Variants in KPNA1 observed in about 807,000 individuals in gnomAD.
The protein encoded by KPNA1 is karyopherin subunit alpha 1.
A neutral mutation model predicts 70.5 loss-of-function variants in KPNA1; 10 were observed. The ratio of observed to expected loss-of-function variants is 0.14; its 90% confidence interval spans 0.09 to 0.24. The LOEUF (loss-of-function observed/expected upper bound fraction) is 0.24. Ranked by LOEUF, KPNA1 falls within the 10% of genes least tolerant of loss-of-function variation. The pLI is 1.00. For missense variants in KPNA1, 397 were observed against 637.9 expected, an observed-to-expected ratio of 0.62 and a Z score of 4.07; for synonymous variants, 192 against 221.9, an observed-to-expected ratio of 0.87 and a Z score of 1.20.
chr3:122,477,958 T>C (rs931038084), intron 2 of KPNA1, among the ~76,000 whole-genome samples: 19 of 150,038 alleles, frequency 1.3e-4, no homozygotes, highest in African/African-American at 4.6e-4. Flanking sequence ...TGTCAGGAGA[T>C]TGAGACCATC....
intron 10 of KPNA1, among the ~76,000 whole-genome samples, chr3:122,438,175 T>C (rs2076014306): frequency 6.6e-6 from 1 of 152,166 alleles, no homozygotes; most frequent in Admixed American, 6.5e-5. Flanking sequence ...CCCATGGTTC[T>C]GTTCTAGTAT....
At chr3:122,436,280 G>A (rs922467466) in intron 11 of KPNA1, among the ~76,000 whole-genome samples, 1 of 152,188 alleles carries the variant, frequency 6.6e-6, no homozygotes, top group Admixed American at 6.5e-5. Flanking sequence ...CGATGACAAT[G>A]CATGCCTGAA....
At position 122,480,940 on chromosome 3, in the gene KPNA1, A is replaced by G. The variant is rs116160755; in HGVS notation, c.130-13511T>C. Among the ~76,000 whole-genome samples, 1,016 of 152,248 alleles carry G rather than the reference A, an allele frequency of 6.7e-3. 5 individuals carry two copies. Among genetic ancestry groups the G allele is most frequent in the African/African-American group, 0.023 (973 of 41,544 alleles). On this transcript the variant is annotated intron_variant, in intron 2 of 13. Coordinates refer to ENST00000344337, the MANE Select transcript of KPNA1 (RefSeq NM_002264.4). ...GGAGCTCAAAGCTGCAGTGAACCAT[A>G]ATGGCACCACTGCACTCCAGCCTAG... is the stretch of plus-strand genomic sequence containing the variant.
intron 2 of KPNA1, among the ~76,000 whole-genome samples, chr3:122,475,598 A>G (rs996293489): frequency 6.6e-6 from 1 of 152,116 alleles, no homozygotes; most frequent in African/African-American, 2.4e-5. Flanking sequence ...TGATTTCAAA[A>G]TACAATTGAC....
At chr3:122,508,905 C>T (rs2076921150) in intron 1 of KPNA1, among the ~76,000 whole-genome samples, 1 of 151,976 alleles carries the variant, frequency 6.6e-6, no homozygotes, top group South Asian at 2.1e-4. Context: ...CATTAATATC[C>T]CCAGAAAGAA....
At chr3:122,453,475 G>C (rs2076233279) in intron 6 of KPNA1, among the ~76,000 whole-genome samples, 1 of 152,040 alleles carries the variant, frequency 6.6e-6, no homozygotes, top group Admixed American at 6.6e-5. Context: ...AAGCCAACTG[G>C]TGAAACTCAG....
rs1169808271 is a variant in KPNA1, at chr3:122,423,350, T to C, written c.*3635A>G. The C allele has an allele frequency of 2.0e-5, 3 of 152,220 alleles. No individual in the cohort carries two copies. The highest frequency in any genetic ancestry group is 7.2e-5 in the African/African-American group (3 of 41,448). 9.4% of individuals were successfully genotyped at this position (152,220 alleles called of 1,614,324 possible). A position where few individuals can be genotyped will look rare whatever the true frequency, so the allele number is the denominator to read the frequency against. ...ACTTCCATGTATATAGGCATACCTG[T>C]GTCTGCAAATGAGCACATTTTGGAA... On this transcript the variant is annotated 3_prime_UTR_variant, in exon 14 of 14. Coordinates refer to ENST00000344337, the MANE Select transcript of KPNA1 (RefSeq NM_002264.4).
chr3:122,440,397 T>C (rs1020562750), intron 10 of KPNA1, among the ~76,000 whole-genome samples: 55 of 152,174 alleles, frequency 3.6e-4, no homozygotes, highest in Admixed American at 2.2e-3. Flanking sequence ...GAGACACATG[T>C]TCCAGGCAGA....
chr3:122,433,639 A>G (rs377483283), intron 12 of KPNA1, 22 bp downstream of exon 12: 4 of 1,572,596 alleles, frequency 2.5e-6, no homozygotes, highest in African/African-American at 1.4e-5. Flanking sequence ...AACTTACAAT[A>G]TGCTGCCTGA....
At chr3:122,459,644 G>C in intron 5 of KPNA1, 1 of 985,338 alleles carries the variant, frequency 1.0e-6, no homozygotes, top group Non-Finnish European at 1.2e-6. Context: ...GATGATCCTG[G>C]CCTTAGATGG....
chr3:122,510,627 G>A (rs1193218751), intron 1 of KPNA1, among the ~76,000 whole-genome samples: 2 of 152,122 alleles, frequency 1.3e-5, no homozygotes, highest in African/African-American at 4.8e-5. Context: ...GGCAGGTGAG[G>A]TGAATATATA....
At chr3:122,496,758 C>G (rs2076766418) in intron 1 of KPNA1, 188 bp from the exon 2 acceptor site, 2 of 456,440 alleles carry the variant, frequency 4.4e-6, no homozygotes, top group South Asian at 5.9e-5. Context: ...GACTGGAGTA[C>G]AGTGGTGCAA....
chr3:122,449,525 C>T, intron 9 of KPNA1, 49 bp downstream of exon 9: 2 of 1,470,982 alleles, frequency 1.4e-6, no homozygotes, highest in Non-Finnish European at 1.9e-6. Context: ...AGCTAGAAAA[C>T]TAGTACCAAG....
At chr3:122,493,560 G>A (rs1330214203) in intron 2 of KPNA1, among the ~76,000 whole-genome samples, 2 of 152,190 alleles carry the variant, frequency 1.3e-5, no homozygotes, top group Non-Finnish European at 2.9e-5. Context: ...ACGGAAAGCT[G>A]TGGTGAGGCA....
intron 1 of KPNA1, among the ~76,000 whole-genome samples, chr3:122,513,247 C>T (rs938178751): frequency 2.2e-4 from 33 of 152,138 alleles, no homozygotes; most frequent in African/African-American, 8.0e-4. Flanking sequence ...TTAACAGATA[C>T]TTCAGATTCA....
Position 122,422,916 on chromosome 3 carries a change from T to C in KPNA1, c.*4069A>G, listed in dbSNP as rs1424165711. 1 of 152,356 alleles carries C rather than the reference T, an allele frequency of 6.6e-6. No homozygotes were observed. The highest frequency in any genetic ancestry group is 1.9e-4 in the East Asian group (1 of 5,188). 9.4% of individuals were successfully genotyped at this position (152,356 alleles called of 1,614,324 possible). ...AGAACGGAACACTTCTTTTCTTTCT[T>C]CTTACCCCAAGCTTCCAGATGTATT... On this transcript the variant is annotated 3_prime_UTR_variant, in exon 14 of 14. Transcript: ENST00000344337.
At position 122,461,274 on chromosome 3, in the gene KPNA1, C is replaced by A; in HGVS notation, c.382G>T (p.Val128Leu). ...TTGAGGAACTCCACAAACCTGGCCA[C>A]TACTCCTGGTGTGCTGATAACTTCA... ...IDEVISTPGV[V>L]ARFVEFLKRK... is the part of the protein sequence containing the mutation. Residue 128 changes from valine to leucine, a missense_variant, in exon 5 of 14, where the codon GTG becomes TTG. Val to Leu is a conservative substitution (Grantham distance 32, BLOSUM62 1). Coordinates refer to ENST00000344337, the MANE Select transcript of KPNA1 (RefSeq NM_002264.4). 6.2e-7 allele frequency: 1 copy of A among 1,613,638 alleles called. No homozygotes were observed. Among genetic ancestry groups the A allele is most frequent in the Non-Finnish European group, 8.5e-7 (1 of 1,179,732 alleles).
At chr3:122,466,605 A>C (rs1160528029) in intron 3 of KPNA1, among the ~76,000 whole-genome samples, 1 of 152,240 alleles carries the variant, frequency 6.6e-6, no homozygotes, top group Non-Finnish European at 1.5e-5. Flanking sequence ...AAAAAGTAAC[A>C]AAATGGTTTA....
At position 122,442,129 on chromosome 3, in the gene KPNA1, AAAGT is replaced by A; in HGVS notation, c.918-17_918-14del. 1 of 1,599,574 alleles carries A rather than the reference AAAGT, an allele frequency of 6.3e-7. No individual in the cohort carries two copies. ...ATAATCATTATGCCTGCAAAAACAAAAAGTAATGTTATAGCAAACAGTTCTATCC... is the reference window on the plus strand; with the variant it reads ...ATAATCATTATGCCTGCAAAAACAAAAATGTTATAGCAAACAGTTCTATCC... On this transcript the variant is annotated splice_polypyrimidine_tract_variant and intron_variant, in intron 9 of 13. Coordinates refer to ENST00000344337, the MANE Select transcript of KPNA1 (RefSeq NM_002264.4).
Sources: gnomAD v4.1 joint callset for allele counts (sites outside exome capture counted in the v4.1 genomes callset) on GRCh38, gnomAD v4.1.1 for gene constraint, MANE v1.5 for transcripts, NCBI Gene and HGNC (gene_info 2026-07-23, HGNC 2026-07-21) for gene names.